The following DSP variants were observed in gnomAD, a reference collection of about 807,000 sequenced individuals.
DSP encodes desmoplakin, also known as 250/210 kDa paraneoplastic pemphigus antigen.
A neutral mutation model predicts 290.6 loss-of-function variants in DSP; 114 were observed. The ratio of observed to expected loss-of-function variants is 0.39; its 90% confidence interval spans 0.34 to 0.46. The LOEUF is 0.46. Ranked by LOEUF, DSP falls within the 20% of genes least tolerant of loss-of-function variation. The pLI, the probability that DSP is intolerant of heterozygous loss-of-function variation, is 0.99. For missense variants in DSP, 3,230 were observed against 3,495.8 expected (o/e 0.92, Z 1.92); for synonymous variants, 1,311 against 1,316.4 (o/e 1.00, Z 0.09).
At chr6:7,544,204 A>G (rs1758104598) in intron 1 of DSP, among the ~76,000 whole-genome samples, 1 of 152,114 alleles carries the variant, frequency 6.6e-6, no homozygotes, top group South Asian at 2.1e-4. Flanking sequence ...CCCAGCCTGC[A>G]GTGGTGCTAC....
In DSP at chr6:7,580,792, A is replaced by G. The variant is rs1250795720; in HGVS notation, c.4602A>G (p.Glu1534=). The G allele has an allele frequency of 4.3e-6, 7 of 1,614,152 alleles. No individual in the cohort carries two copies. The highest frequency in any genetic ancestry group is 5.9e-6 in the Non-Finnish European group (7 of 1,180,034). ...TINKLKVQEQ[E]LTRLRIDYER... ...ACAAACTGAAGGTTCAGGAGCAAGA[A>G]CTGACACGCCTGAGGATCGACTATG... Residue 1534 remains glutamate, a synonymous_variant, in exon 23 of 24, where the codon GAA becomes GAG. Coordinates refer to ENST00000379802, the MANE Select transcript of DSP (RefSeq NM_004415.4). This position sits in a 1 kb window ranked among gnomAD's most constrained non-coding sequence, Gnocchi z 4.2.
chr6:7,584,791 G>A lies in DSP; in HGVS notation c.7529G>A (p.Gly2510Glu). ...GAATGGGAAGAAATAACCATCACGG[G>A]ATCAGATGGCTCCACCAGGGTGGTC... ...ECEWEEITITGSDGSTRVVLV... is the reference protein window; with the variant it reads ...ECEWEEITITESDGSTRVVLV... The change falls in exon 24 of 24, where the codon GGA becomes GAA. Residue 2510 changes from glycine (G) to glutamate (E), a missense_variant. Around this residue, in one of 5 missense-constraint regions of DSP, gnomAD observed 582 missense variants for 555.4 expected, o/e 1.05. Transcript: ENST00000379802. This position sits in a 1 kb window ranked among gnomAD's most constrained non-coding sequence, Gnocchi z 6.4. The A allele has an allele frequency of 1.2e-6, 2 of 1,614,198 alleles. 1 individual carries two copies. The highest frequency in any genetic ancestry group is 4.5e-5 in the East Asian group (2 of 44,878).
intron 3 of DSP, among the ~76,000 whole-genome samples, chr6:7,558,878 A>G (rs538973443): frequency 7.9e-5 from 12 of 152,268 alleles, no homozygotes; most frequent in Admixed American, 7.2e-4. Flanking sequence ...AACAAAGACT[A>G]TAAGGCAGAA....
chr6:7,584,158 G>C lies in DSP; in HGVS notation c.6896G>C (p.Gly2299Ala). ...LELLEAQAATGFIVDPVSNLR... is the reference protein window; with the variant it reads ...LELLEAQAATAFIVDPVSNLR... ...TTGCTGGAAGCCCAAGCAGCTACTG[G>C]CTTTATAGTGGATCCTGTTAGCAAC... The change falls in exon 24 of 24, where the codon GGC becomes GCC. Residue 2299 changes from glycine to alanine, a missense_variant. By Grantham distance (60) the Gly-to-Ala change is moderately conservative. This residue lies in a region of DSP where 207 missense variants were observed against 281.2 expected (regional missense o/e 0.74). Coordinates refer to ENST00000379802, the MANE Select transcript of DSP (RefSeq NM_004415.4). This position sits in a 1 kb window ranked among gnomAD's most constrained non-coding sequence, Gnocchi z 6.4. 1 of 1,614,198 alleles carries C rather than the reference G, an allele frequency of 6.2e-7. No individual in the cohort carries two copies. The highest frequency in any genetic ancestry group is 1.6e-4 in the Middle Eastern group (1 of 6,062).
intron 15 of DSP, among the ~76,000 whole-genome samples, chr6:7,572,352 G>C (rs530131719): frequency 5.3e-5 from 8 of 152,132 alleles, no homozygotes; most frequent in Non-Finnish European, 1.0e-4. Flanking sequence ...CCTATGATAT[G>C]GGTTAGACAG....
At position 7,562,742 on chromosome 6, in the gene DSP, G is replaced by T; in HGVS notation, c.688G>T (p.Asp230Tyr). ...SHRGIHNSIG[D>Y]YRWQLDKIKA... is the part of the protein sequence containing the mutation. ...CCGGGGCATCCACAACTCCATCGGC[G>T]ACTATCGCTGGCAGCTGGACAAAAT... Residue 230 changes from aspartate to tyrosine, a missense_variant, in exon 5 of 24, where the codon GAC (aspartate) becomes TAC (tyrosine). By Grantham distance (160) the Asp-to-Tyr change is radical. Around this residue, in one of 5 missense-constraint regions of DSP, gnomAD observed 646 missense variants for 684.3 expected, o/e 0.94. Transcript: ENST00000379802. 1 of 1,614,150 alleles carries T rather than the reference G, an allele frequency of 6.2e-7. No individual in the cohort carries two copies. The highest frequency in any genetic ancestry group is 1.7e-5 in the Admixed American group (1 of 60,020).
At chr6:7,569,100 G>A in intron 11 of DSP, 86 bp from the exon 12 acceptor site, 4 of 1,577,484 alleles carry the variant, frequency 2.5e-6, no homozygotes, top group Non-Finnish European at 3.5e-6. Flanking sequence ...ATTCGCATGT[G>A]TTCATCTCTG....
At chr6:7,543,234 C>T (rs908924231) in intron 1 of DSP, among the ~76,000 whole-genome samples, 1 of 152,108 alleles carries the variant, frequency 6.6e-6, no homozygotes, top group East Asian at 1.9e-4. Context: ...CGTTATTTAC[C>T]AGGCGTTGTG....
chr6:7,552,922 G>GTTTTATA (rs903556981), intron 1 of DSP, among the ~76,000 whole-genome samples: 1 of 152,098 alleles, frequency 6.6e-6, no homozygotes, highest in Non-Finnish European at 1.5e-5. Context: ...AAGTTGGCAA[G>GTTTTATA]TTTTATATTT....
chr6:7,562,369 TTTGG>T (rs1758720659), intron 4 of DSP, among the ~76,000 whole-genome samples: 1 of 147,380 alleles, frequency 6.8e-6, no homozygotes, highest in Admixed American at 6.7e-5. Flanking sequence ...CACAGGTAGA[TTTGG>T]TTTTTTTTTT....
intron 1 of DSP, among the ~76,000 whole-genome samples, chr6:7,542,495 C>T (rs932772909): frequency 2.6e-5 from 4 of 152,170 alleles, no homozygotes; most frequent in African/African-American, 7.2e-5. Context: ...AGGAAAGGAG[C>T]GGGGCCCCGG....
In DSP at chr6:7,577,767, A is replaced by T. The variant is rs765050348; in HGVS notation, c.2878-12A>T. On this transcript the variant is annotated splice_polypyrimidine_tract_variant and intron_variant, in intron 20 of 23. Transcript: ENST00000379802. ...ATGAAGGACACTTTTCTTAAACTTC[A>T]TTATGCTGCAGGATTATGAGCTCCA... 6.2e-7 allele frequency: 1 copy of T among 1,608,920 alleles called. No homozygotes were observed. Among genetic ancestry groups the T allele is most frequent in the Non-Finnish European group, 8.5e-7 (1 of 1,175,404 alleles).
chr6:7,565,563 G>A lies in DSP; in HGVS notation c.939+43G>A. 6.2e-7 allele frequency: 1 copy of A among 1,612,406 alleles called. No individual in the cohort carries two copies. The highest frequency in any genetic ancestry group is 1.1e-5 in the South Asian group (1 of 91,002). ...GGCTGTAGATGCTTGTCTTGAGCCT[G>A]TTGCCTTGAAGAGCTGGGGTCTCGG... On this transcript the variant is annotated intron_variant, in intron 7 of 23. Coordinates refer to ENST00000379802, the MANE Select transcript of DSP (RefSeq NM_004415.4). This position sits in a 1 kb window ranked among gnomAD's most constrained non-coding sequence, Gnocchi z 4.2.
At chr6:7,570,339 G>T in intron 12 of DSP, 98 bp from the exon 13 acceptor site, 3 of 1,570,278 alleles carry the variant, frequency 1.9e-6, no homozygotes, top group Admixed American at 1.7e-5. Flanking sequence ...AGTGACTGTT[G>T]TAGGTTTTTG....
At chr6:7,554,600 A>G (rs935343289) in intron 1 of DSP, among the ~76,000 whole-genome samples, 1 of 152,100 alleles carries the variant, frequency 6.6e-6, no homozygotes, top group African/African-American at 2.4e-5. Context: ...TCACACCATG[A>G]TTTTTAAAAA....
rs756671027 is a variant in DSP, at chr6:7,571,425, G to A, written c.1744G>A (p.Asp582Asn). The A allele has an allele frequency of 6.8e-6, 11 of 1,614,160 alleles. No individual in the cohort carries two copies. In the South Asian group the frequency reaches 9.9e-5, roughly 14 times the overall value. The change falls in exon 14 of 24, where the codon GAC becomes AAC. Residue 582 changes from aspartate (D) to asparagine (N), a missense_variant. Physicochemically the swap from Asp to Asn is conservative, Grantham distance 23 (BLOSUM62 1). Coordinates refer to ENST00000379802, the MANE Select transcript of DSP (RefSeq NM_004415.4). ...GGAAGATTACATGAAGACGATAGCC[G>A]ACCTTGAGTTACATTACCAAGAGTT... ...RQEDYMKTIA[D>N]LELHYQEFIR...
Position 7,567,794 on chromosome 6 carries a change from C to T in DSP, c.1154C>T (p.Ala385Val), listed in dbSNP as rs146737031. 89 of 1,613,844 alleles carry T rather than the reference C, an allele frequency of 5.5e-5. No homozygotes were observed. The African/African-American group carries it at 8.5e-4, about 15-fold the overall frequency. ...NAAYFQFFEE[A>V]QSTEAYLKGL... ...CATCCTTCACAGTTTTTTGAAGAGG[C>T]GCAGTCTACTGAAGCATACCTGAAG... Residue 385 changes from alanine to valine, a missense_variant, in exon 10 of 24, where the codon GCG (alanine) becomes GTG (valine). Physicochemically the swap from Ala to Val is moderately conservative, Grantham distance 64. This residue lies in a region of DSP where 646 missense variants were observed against 684.3 expected (regional missense o/e 0.94). Transcript: ENST00000379802.
chr6:7,578,327 AT>A (rs1450662688), intron 21 of DSP, 136 bp from the exon 22 acceptor site: 2 of 755,034 alleles, frequency 2.6e-6, no homozygotes, highest in African/African-American at 1.8e-5. Flanking sequence ...TCTTTTGCTG[AT>A]TTTGGAATGA....
Position 7,576,982 on chromosome 6 carries a change from C to T in DSP, c.2817C>T (p.Gly939=). 1 of 1,613,304 alleles carries T rather than the reference C, an allele frequency of 6.2e-7. No individual in the cohort carries two copies. The highest frequency in any genetic ancestry group is 1.1e-5 in the South Asian group (1 of 90,948). The change falls in exon 20 of 24, where the codon GGC becomes GGT. Residue 939 remains glycine (G), a synonymous_variant. Transcript: ENST00000379802. ...EQKNLHSEIS[G]KRDKSEEVQK... ...AGAACTTGCACAGTGAAATATCTGG[C>T]AAACGAGACAAATCAGAGGAAGTAC... is the stretch of plus-strand genomic sequence containing the variant.
Sources: allele counts gnomAD v4.1 joint callset (sites outside exome capture counted in the v4.1 genomes callset), GRCh38; gene constraint gnomAD v4.1.1; regional missense constraint gnomAD v4.1.1; non-coding constraint Gnocchi (gnomAD v3.1); transcripts MANE v1.5; gene names NCBI Gene and HGNC (gene_info 2026-07-23, HGNC 2026-07-21).